CARNMT1: variants seen among roughly 807,000 people sequenced by gnomAD.
The protein encoded by CARNMT1 is carnosine N-methyltransferase 1, also known as protein-L-histidine N-pros-methyltransferase CARNMT1.
Under a neutral mutation model 49.6 loss-of-function variants are expected in CARNMT1, and 28 were observed. That is an observed-to-expected ratio of 0.56 (90% CI 0.42 to 0.77). The LOEUF (loss-of-function observed/expected upper bound fraction) is 0.77. Ranked by LOEUF, CARNMT1 falls within the 30% of genes least tolerant of loss-of-function variation. CARNMT1 has a pLI of 0.00. For missense variants in CARNMT1, 421 were observed against 512.6 expected (o/e 0.82, Z 1.73); for synonymous variants, 178 against 175.0 (o/e 1.02, Z -0.13).
intron 1 of CARNMT1, among the ~76,000 whole-genome samples, chr9:75,021,994 T>C (rs1481929284): frequency 6.6e-6 from 1 of 151,902 alleles, no homozygotes; most frequent in African/African-American, 2.4e-5. Flanking sequence ...TTAAGCTGAA[T>C]ACTGACAAAT....
Position 74,981,512 on chromosome 9 carries a change from T to C in CARNMT1, c.*2255A>G, listed in dbSNP as rs1350260598. The C allele has an allele frequency of 2.6e-5, 4 of 152,144 alleles. No individual in the cohort carries two copies. The East Asian group carries it at 7.7e-4, about 29-fold the overall frequency. The allele number at this position is 152,144 out of a possible 1,614,324, so 9.4% of individuals were successfully genotyped here. A position where few individuals can be genotyped will look rare whatever the true frequency, so the allele number is the denominator to read the frequency against. The stretch of plus-strand genomic sequence containing the variant: ...ACCACATTTTCAAGTTTAGAATATA[T>C]TAACTGCAAAAGCTGTAAGAAAAGA... On this transcript the variant is annotated 3_prime_UTR_variant, in exon 8 of 8. Transcript: ENST00000376834.
chr9:75,005,598 G>A (rs1469280120), intron 3 of CARNMT1, among the ~76,000 whole-genome samples: 1 of 150,296 alleles, frequency 6.7e-6, no homozygotes, highest in Non-Finnish European at 1.5e-5. Context: ...TCAGCCTCCT[G>A]AGTAGCTGGG....
At chr9:75,027,377 C>G (rs936073291) in intron 1 of CARNMT1, 40 of 971,702 alleles carry the variant, frequency 4.1e-5, no homozygotes, top group Non-Finnish European at 4.8e-5. Flanking sequence ...TCTCTCATCT[C>G]TCCTAATAAT....
At chr9:75,027,207 T>C in intron 1 of CARNMT1, 3 of 1,109,824 alleles carry the variant, frequency 2.7e-6, no homozygotes, top group South Asian at 2.6e-5. Flanking sequence ...AATTTTGTGA[T>C]TAAGCTACTT....
At chr9:74,989,710 G>A (rs1162474629) in intron 6 of CARNMT1, among the ~76,000 whole-genome samples, 1 of 152,038 alleles carries the variant, frequency 6.6e-6, no homozygotes, top group Admixed American at 6.6e-5. Flanking sequence ...AAATTCCTTT[G>A]GGGAAAAACA....
At chr9:75,020,424 T>A (rs1056547924) in intron 1 of CARNMT1, among the ~76,000 whole-genome samples, 13 of 151,838 alleles carry the variant, frequency 8.6e-5, no homozygotes, top group Non-Finnish European at 1.6e-4. Context: ...CGCGCCACCA[T>A]GCCCAGCTGA....
upstream of CARNMT1, chr9:75,028,371 C>T (rs1822596010): frequency 1.5e-6 from 2 of 1,301,370 alleles, no homozygotes; most frequent in Admixed American, 4.2e-5. Flanking sequence ...GCTCCGCCCC[C>T]GCCACCCTCA....
intron 3 of CARNMT1, among the ~76,000 whole-genome samples, chr9:75,011,747 C>T (rs1014607474): frequency 6.6e-6 from 1 of 152,130 alleles, no homozygotes; most frequent in Non-Finnish European, 1.5e-5. Context: ...TGAAGTGGTC[C>T]TTTTGGGAAA....
At chr9:75,021,119 C>T (rs1822338435) in intron 1 of CARNMT1, among the ~76,000 whole-genome samples, 1 of 151,598 alleles carries the variant, frequency 6.6e-6, no homozygotes. Context: ...GCCTAGCAGA[C>T]AGGGTTTCAT....
chr9:75,003,811 A>G (rs1259079157), intron 3 of CARNMT1, among the ~76,000 whole-genome samples: 1 of 152,268 alleles, frequency 6.6e-6, no homozygotes, highest in Non-Finnish European at 1.5e-5. Context: ...AGAAATATAT[A>G]TGTAGAACAG....
At position 75,022,526 on chromosome 9, in the gene CARNMT1, G is replaced by A. The variant is rs1822401376; in HGVS notation, c.231-5078C>T. 3.9e-5 allele frequency among the ~76,000 whole-genome samples: 6 copies of A among 152,212 alleles called. No homozygotes were observed. In the South Asian group the frequency reaches 1.2e-3, roughly 32 times the overall value. ...GGCGTGAGCCCCTACACCTGGCCAG[G>A]AGTTAGTATTTTTAAGGCTCTTGAT... On this transcript the variant is annotated intron_variant, in intron 1 of 7. Coordinates refer to ENST00000376834, the MANE Select transcript of CARNMT1 (RefSeq NM_152420.3).
In CARNMT1 at chr9:74,983,737, CT is replaced by C; in HGVS notation, c.*29del. 4 of 1,405,284 alleles carry C rather than the reference CT, an allele frequency of 2.8e-6. No homozygotes were observed. Among genetic ancestry groups the C allele is most frequent in the Non-Finnish European group, 2.9e-6 (3 of 1,018,790 alleles). The allele number at this position is 1,405,284 out of a possible 1,614,324, so 87.1% of individuals were successfully genotyped here. The stretch of plus-strand genomic sequence containing the variant: ...GATTTCAGCATTTGTTCTTACTAAA[CT>C]TTTTTCCAGGTGGTATCACTTGAGA... On this transcript the variant is annotated 3_prime_UTR_variant, in exon 8 of 8. Coordinates refer to ENST00000376834, the MANE Select transcript of CARNMT1 (RefSeq NM_152420.3).
chr9:75,022,403 T>C (rs1315987251), intron 1 of CARNMT1, among the ~76,000 whole-genome samples: 2 of 151,902 alleles, frequency 1.3e-5, no homozygotes, highest in African/African-American at 4.8e-5. Context: ...TTTATATTTT[T>C]AGTAGAGATG....
chr9:75,014,637 A>G (rs1833792572), intron 3 of CARNMT1, among the ~76,000 whole-genome samples: 1 of 152,172 alleles, frequency 6.6e-6, no homozygotes, highest in African/African-American at 2.4e-5. Flanking sequence ...TGAATTCAGG[A>G]GGTCTCCATA....
intron 1 of CARNMT1, among the ~76,000 whole-genome samples, chr9:75,020,109 A>T (rs1822300470): frequency 6.6e-6 from 1 of 152,172 alleles, no homozygotes; most frequent in Admixed American, 6.5e-5. Context: ...GAGACAGGAT[A>T]ATGTGTTTTA....
At chr9:75,027,128 C>G in intron 1 of CARNMT1, 1 of 1,303,946 alleles carries the variant, frequency 7.7e-7, no homozygotes, top group Non-Finnish European at 1.0e-6. Flanking sequence ...ATATCTCTTA[C>G]GTGAATAAAA....
chr9:75,024,336 A>G (rs1474929066), intron 1 of CARNMT1, among the ~76,000 whole-genome samples: 1 of 152,242 alleles, frequency 6.6e-6, no homozygotes, highest in East Asian at 1.9e-4. Flanking sequence ...GTCAGATTCT[A>G]CCACAACTGG....
Position 74,983,552 on chromosome 9 carries a change from T to C in CARNMT1, c.*215A>G. 1 of 364,142 alleles carries C rather than the reference T, an allele frequency of 2.7e-6. No individual in the cohort carries two copies. The highest frequency in any genetic ancestry group is 4.1e-5 in the East Asian group (1 of 24,294). The allele number at this position is 364,142 out of a possible 1,614,324, so 22.6% of individuals were successfully genotyped here. Reference sequence around the variant, plus strand: ...ATACTTCAAGACATTTCCTCCATTTTTACTTGTGTAGTACAAATCTGCATG... The same window carrying C: ...ATACTTCAAGACATTTCCTCCATTTCTACTTGTGTAGTACAAATCTGCATG... On this transcript the variant is annotated 3_prime_UTR_variant, in exon 8 of 8. Transcript: ENST00000376834.
intron 3 of CARNMT1, among the ~76,000 whole-genome samples, chr9:75,010,376 C>T (rs1833651450): frequency 6.6e-6 from 1 of 152,056 alleles, no homozygotes; most frequent in Non-Finnish European, 1.5e-5. Context: ...CCACTCACCT[C>T]AGCCTCCCAA....
Sources: gnomAD v4.1 joint callset for allele counts (sites outside exome capture counted in the v4.1 genomes callset) on GRCh38, gnomAD v4.1.1 for gene constraint, MANE v1.5 for transcripts, NCBI Gene and HGNC (gene_info 2026-07-23, HGNC 2026-07-21) for gene names.